PIAS1: variants seen among roughly 807,000 people sequenced by gnomAD.
PIAS1 encodes the protein E3 SUMO-protein ligase PIAS1.
Under a neutral mutation model 71.3 loss-of-function variants are expected in PIAS1, and 6 were observed. The observed-to-expected ratio is 0.08, with a 90% CI of 0.05 to 0.17. The LOEUF is 0.17. PIAS1 is among the 10% of genes least tolerant of loss of function. The pLI is 1.00. For synonymous variants in PIAS1, 303 were observed against 292.9 expected, an observed-to-expected ratio of 1.03 and a Z score of -0.35; for missense variants, 555 against 793.6, an observed-to-expected ratio of 0.70 and a Z score of 3.61.
intron 7 of PIAS1, among the ~76,000 whole-genome samples, chr15:68,164,379 G>T (rs1348074155): frequency 6.6e-6 from 1 of 152,024 alleles, no homozygotes; most frequent in Non-Finnish European, 1.5e-5. Context: ...TAGTTTAAAA[G>T]AAAGAAAACC....
At chr15:68,080,226 A>G (rs1203708569) in intron 1 of PIAS1, among the ~76,000 whole-genome samples, 7 of 152,220 alleles carry the variant, frequency 4.6e-5, no homozygotes, top group African/African-American at 1.7e-4. Context: ...AATAAGGATG[A>G]TGTTTAAATT....
chr15:68,154,073 G>C (rs2092869326), intron 7 of PIAS1: 1 of 162,270 alleles, frequency 6.2e-6, no homozygotes, highest in Non-Finnish European at 1.4e-5. Flanking sequence ...TTTACAAAGT[G>C]AAGAGAGCCA....
chr15:68,127,748 CATTTT>C (rs910623022), intron 2 of PIAS1, among the ~76,000 whole-genome samples: 2 of 151,960 alleles, frequency 1.3e-5, no homozygotes, highest in African/African-American at 4.8e-5. Context: ...CTTTTGTTTT[CATTTT>C]ATTTTATTTA....
intron 2 of PIAS1, among the ~76,000 whole-genome samples, chr15:68,106,796 GA>G (rs2092474656): frequency 6.6e-6 from 1 of 152,198 alleles, no homozygotes; most frequent in South Asian, 2.1e-4. Context: ...CCCTACTGCT[GA>G]AAATTCCTGA....
chr15:68,170,254 A>G (rs1262843191), intron 8 of PIAS1, among the ~76,000 whole-genome samples: 2 of 152,210 alleles, frequency 1.3e-5, no homozygotes, highest in East Asian at 1.9e-4. Context: ...GTTATTCAAC[A>G]AAAGCATCAT....
At chr15:68,131,039 T>C (rs2092684877) in intron 2 of PIAS1, among the ~76,000 whole-genome samples, 1 of 152,208 alleles carries the variant, frequency 6.6e-6, no homozygotes, top group African/African-American at 2.4e-5. Flanking sequence ...TGTCAGACAG[T>C]GTGCCCAAGG....
At chr15:68,098,418 T>TAG (rs1168665122) in intron 2 of PIAS1, among the ~76,000 whole-genome samples, 1 of 152,028 alleles carries the variant, frequency 6.6e-6, no homozygotes, top group Non-Finnish European at 1.5e-5. Context: ...GGAGGAGTAA[T>TAG]AGGAGGATTT....
At chr15:68,088,923 G>A (rs1278322704) in intron 2 of PIAS1, among the ~76,000 whole-genome samples, 4 of 152,124 alleles carry the variant, frequency 2.6e-5, no homozygotes, top group Non-Finnish European at 5.9e-5. Context: ...AAATTAAATA[G>A]CTTCCAGCAT....
intron 6 of PIAS1, among the ~76,000 whole-genome samples, chr15:68,147,745 G>A (rs1440089459): frequency 1.3e-5 from 2 of 152,030 alleles, no homozygotes; most frequent in Non-Finnish European, 2.9e-5. Context: ...TATGTGTGAT[G>A]TGAGGTAAAA....
In PIAS1 at chr15:68,175,712, G is replaced by A. The variant is rs374534064; in HGVS notation, c.1245G>A (p.Pro415=). The A allele has an allele frequency of 7.5e-6, 12 of 1,605,528 alleles. No homozygotes were observed. The East Asian group carries it at 9.0e-5, about 12-fold the overall frequency. The change falls in exon 10 of 14, where the codon CCG becomes CCA. Residue 415 remains proline (P), a synonymous_variant. Transcript: ENST00000249636. ...TTAAGGAGGATGGCACTTGGGCACCGATGAGATCAAAAAAGGAAGTACAGG... is the reference window on the plus strand; with the variant it reads ...TTAAGGAGGATGGCACTTGGGCACCAATGAGATCAAAAAAGGAAGTACAGG... The part of the protein sequence containing the change: ...IQFKEDGTWA[P]MRSKKEVQEV...
At chr15:68,088,902 C>T (rs764342667) in intron 2 of PIAS1, among the ~76,000 whole-genome samples, 9 of 152,240 alleles carry the variant, frequency 5.9e-5, no homozygotes, top group East Asian at 5.8e-4. Flanking sequence ...AAGAAAACCA[C>T]GTTTTCTGGA....
intron 2 of PIAS1, among the ~76,000 whole-genome samples, chr15:68,098,866 G>A (rs2140995803): frequency 6.6e-6 from 1 of 152,220 alleles, no homozygotes; most frequent in South Asian, 2.1e-4. Context: ...CTATGCACTT[G>A]TCTAAATATA....
intron 1 of PIAS1, among the ~76,000 whole-genome samples, chr15:68,075,176 C>T (rs370692579): frequency 1.5e-4 from 22 of 149,620 alleles, no homozygotes; most frequent in African/African-American, 4.7e-4. Context: ...CCTCCGCCCC[C>T]CCAGGTTCAA....
At chr15:68,058,647 G>A (rs1278377871) in intron 1 of PIAS1, among the ~76,000 whole-genome samples, 2 of 152,168 alleles carry the variant, frequency 1.3e-5, no homozygotes, top group Non-Finnish European at 1.5e-5. Flanking sequence ...CATTTTGCAA[G>A]CTTCCTTGCA....
At chr15:68,118,884 G>T (rs2092588545) in intron 2 of PIAS1, among the ~76,000 whole-genome samples, 1 of 152,172 alleles carries the variant, frequency 6.6e-6, no homozygotes, top group Middle Eastern at 3.4e-3. Context: ...TGTGACATTG[G>T]TCTAGACAAG....
At chr15:68,184,452 C>A (rs1327775843) in intron 13 of PIAS1, 1 of 152,222 alleles carries the variant, frequency 6.6e-6, no homozygotes, top group Non-Finnish European at 1.5e-5. Flanking sequence ...AGAAACATAT[C>A]CCTCTCAGCA....
At chr15:68,164,451 A>G (rs1489339716) in intron 7 of PIAS1, among the ~76,000 whole-genome samples, 3 of 152,212 alleles carry the variant, frequency 2.0e-5, no homozygotes, top group Non-Finnish European at 4.4e-5. Context: ...ATATGTCAAC[A>G]TATTAGAGAA....
intron 1 of PIAS1, among the ~76,000 whole-genome samples, chr15:68,059,059 C>G (rs548557999): frequency 2.9e-5 from 4 of 137,780 alleles, no homozygotes; most frequent in African/African-American, 1.1e-4. Context: ...GGCAGTAGTG[C>G]AGTGGCGCGA....
chr15:68,155,903 A>G (rs1331911467), intron 7 of PIAS1, among the ~76,000 whole-genome samples: 3 of 152,190 alleles, frequency 2.0e-5, no homozygotes, highest in Admixed American at 6.5e-5. Flanking sequence ...CACTCTGCCA[A>G]TGCATGAAAA....
Sources: allele counts gnomAD v4.1 joint callset (sites outside exome capture counted in the v4.1 genomes callset), GRCh38; gene constraint gnomAD v4.1.1; transcripts MANE v1.5; gene names NCBI Gene and HGNC (gene_info 2026-07-23, HGNC 2026-07-21).